Variants in PPM1E observed in about 807,000 individuals in gnomAD.
PPM1E encodes protein phosphatase 1E.
A neutral mutation model predicts 65.9 loss-of-function variants in PPM1E; 20 were observed. The observed-to-expected ratio is 0.30, with a 90% CI of 0.21 to 0.44. PPM1E has a LOEUF of 0.44. Ranked by LOEUF, PPM1E falls within the 20% of genes least tolerant of loss-of-function variation. The probability of loss-of-function intolerance (pLI) is 1.00; values close to 1 mark genes in which losing one functional copy is unlikely to be tolerated. For synonymous variants in PPM1E, 352 were observed against 374.9 expected, an observed-to-expected ratio of 0.94 and a Z score of 0.70; for missense variants, 713 against 953.1, an observed-to-expected ratio of 0.75 and a Z score of 3.32.
intron 1 of PPM1E, among the ~76,000 whole-genome samples, chr17:58,879,440 T>C (rs1162443707): frequency 6.7e-6 from 1 of 149,640 alleles, no homozygotes; most frequent in Non-Finnish European, 1.5e-5. Flanking sequence ...TTTTTCACCA[T>C]GAAGTTAAAA....
chr17:58,937,424 C>T (rs1422614639), intron 1 of PPM1E, among the ~76,000 whole-genome samples: 1 of 150,120 alleles, frequency 6.7e-6, no homozygotes, highest in Non-Finnish European at 1.5e-5. Flanking sequence ...CCACCACGCC[C>T]ATCTAATTTT....
intron 4 of PPM1E, 136 bp downstream of exon 4, chr17:58,969,863 G>C: frequency 7.3e-6 from 6 of 820,522 alleles, no homozygotes; most frequent in Non-Finnish European, 9.4e-6. Flanking sequence ...TCACAGTATT[G>C]GATTCTGTTG....
chr17:58,792,977 T>G (rs1274028151), intron 1 of PPM1E, among the ~76,000 whole-genome samples: 1 of 151,664 alleles, frequency 6.6e-6, no homozygotes, highest in Non-Finnish European at 1.5e-5. Flanking sequence ...CTCAATCTCT[T>G]GGCCTCATGA....
chr17:58,965,906 T>C lies in PPM1E; in HGVS notation c.783+13T>C. 1.2e-6 allele frequency: 2 copies of C among 1,612,412 alleles called. No individual in the cohort carries two copies. On this transcript the variant is annotated intron_variant, in intron 3 of 6. Transcript: ENST00000308249. ...CTTCAACCTAGAGGTAAAGGGCACT[T>C]TCGGAGAGTCAGTGAGATTTTAAAG...
intron 1 of PPM1E, among the ~76,000 whole-genome samples, chr17:58,806,816 C>A (rs2050320051): frequency 6.6e-6 from 1 of 151,000 alleles, no homozygotes; most frequent in African/African-American, 2.4e-5. Context: ...TCTCCTGCCT[C>A]AGCCTCCAGA....
At chr17:58,777,258 C>T (rs1370402515) in intron 1 of PPM1E, among the ~76,000 whole-genome samples, 2 of 152,094 alleles carry the variant, frequency 1.3e-5, no homozygotes, top group Non-Finnish European at 1.5e-5. Flanking sequence ...TATGCCCAAA[C>T]ATTTTGCTCT....
rs2031385184 is a variant in PPM1E, at chr17:58,982,045, C to T, written c.*1014C>T. On this transcript the variant is annotated 3_prime_UTR_variant, in exon 7 of 7. Transcript: ENST00000308249. ...ACTTTTATCTTCTCTAAAATTATTT[C>T]CCCCAAGGTAGTGAAGTAATTGGAA... The T allele has an allele frequency of 6.6e-6, 1 of 152,464 alleles. No homozygotes were observed. The highest frequency in any genetic ancestry group is 6.6e-5 in the Admixed American group (1 of 15,260). 9.4% of individuals were successfully genotyped at this position (152,464 alleles called of 1,614,324 possible). A position where few individuals can be genotyped will look rare whatever the true frequency, so the allele number is the denominator to read the frequency against.
At chr17:58,826,117 C>T (rs187738734) in intron 1 of PPM1E, among the ~76,000 whole-genome samples, 4 of 151,304 alleles carry the variant, frequency 2.6e-5, no homozygotes, top group East Asian at 2.0e-4. Flanking sequence ...GGTGAAACCC[C>T]GTCTCTACTA....
chr17:58,933,134 A>G (rs2051925321), intron 1 of PPM1E, among the ~76,000 whole-genome samples: 1 of 152,200 alleles, frequency 6.6e-6, no homozygotes, highest in Non-Finnish European at 1.5e-5. Flanking sequence ...TGTTTGCACA[A>G]TGACAACATC....
intron 1 of PPM1E, among the ~76,000 whole-genome samples, chr17:58,953,738 A>G (rs1195518905): frequency 7.8e-6 from 1 of 128,230 alleles, no homozygotes; most frequent in Non-Finnish European, 1.6e-5. Context: ...CATCTCAGAT[A>G]TTTCCATCTT....
At chr17:58,790,411 A>T (rs1320623221) in intron 1 of PPM1E, among the ~76,000 whole-genome samples, 1 of 152,222 alleles carries the variant, frequency 6.6e-6, no homozygotes, top group Non-Finnish European at 1.5e-5. Flanking sequence ...AAACAAATAC[A>T]TGGCCAGTTA....
At chr17:58,820,932 G>A (rs2143135705) in intron 1 of PPM1E, among the ~76,000 whole-genome samples, 1 of 152,102 alleles carries the variant, frequency 6.6e-6, no homozygotes, top group East Asian at 1.9e-4. Context: ...ACCAAATTCT[G>A]TTATAATAAA....
At chr17:58,894,256 G>C (rs1447413131) in intron 1 of PPM1E, among the ~76,000 whole-genome samples, 1 of 151,912 alleles carries the variant, frequency 6.6e-6, no homozygotes, top group Admixed American at 6.6e-5. Flanking sequence ...CAAGTAGCTG[G>C]GATTAACAGG....
chr17:58,926,852 A>G (rs1462735157), intron 1 of PPM1E, among the ~76,000 whole-genome samples: 1 of 152,136 alleles, frequency 6.6e-6, no homozygotes, highest in Non-Finnish European at 1.5e-5. Flanking sequence ...TAATTTTTCT[A>G]ACTGAATGGA....
chr17:58,844,790 A>G (rs2050755262), intron 1 of PPM1E, among the ~76,000 whole-genome samples: 1 of 152,210 alleles, frequency 6.6e-6, no homozygotes, highest in East Asian at 1.9e-4. Flanking sequence ...TTTTGCAAAA[A>G]CATGATTTCT....
intron 1 of PPM1E, among the ~76,000 whole-genome samples, chr17:58,838,298 A>G (rs1448784698): frequency 6.6e-6 from 1 of 152,230 alleles, no homozygotes; most frequent in African/African-American, 2.4e-5. Context: ...AAGGACTTGT[A>G]CCCAAAATAT....
intron 1 of PPM1E, among the ~76,000 whole-genome samples, chr17:58,820,061 A>G (rs2050464572): frequency 6.6e-6 from 1 of 152,068 alleles, no homozygotes; most frequent in African/African-American, 2.4e-5. Context: ...TAAATAAATA[A>G]GATAAATAAA....
chr17:58,966,013 A>G (rs1321517768), intron 3 of PPM1E, 120 bp downstream of exon 3: 1 of 1,060,914 alleles, frequency 9.4e-7, no homozygotes, highest in Non-Finnish European at 1.4e-6. Flanking sequence ...AGATTAGAGT[A>G]GGGCTAAGTG....
At chr17:58,956,457 AAC>A (rs34713540) in intron 2 of PPM1E, among the ~76,000 whole-genome samples, 1 of 150,944 alleles carries the variant, frequency 6.6e-6, no homozygotes, top group Admixed American at 6.6e-5. Context: ...AAAAACAAAA[AAC>A]AAAAAAAAAA....
Sources: gnomAD v4.1 joint callset for allele counts (sites outside exome capture counted in the v4.1 genomes callset) on GRCh38, gnomAD v4.1.1 for gene constraint, MANE v1.5 for transcripts, NCBI Gene and HGNC (gene_info 2026-07-23, HGNC 2026-07-21) for gene names.